ARHGAP25: variants seen among roughly 807,000 people sequenced by gnomAD.
ARHGAP25 encodes the protein Rho GTPase activating protein 25, also known as rho GTPase-activating protein 25.
ARHGAP25 carries 34 observed loss-of-function variants against 71.0 expected under a neutral mutation model. The ratio of observed to expected loss-of-function variants is 0.48; its 90% CI spans 0.36 to 0.64. The LOEUF (loss-of-function observed/expected upper bound fraction) is 0.64. Ranked by LOEUF, ARHGAP25 falls within the 30% of genes least tolerant of loss-of-function variation. The probability of loss-of-function intolerance (pLI) is 0.00; values close to 1 mark genes in which losing one functional copy is unlikely to be tolerated. For synonymous variants in ARHGAP25, 282 were observed against 296.5 expected (o/e 0.95, Z 0.50); for missense variants, 706 against 805.1 (o/e 0.88, Z 1.49).
chr2:68,750,107 A>G (rs956246354), intron 1 of ARHGAP25, among the ~76,000 whole-genome samples: 3 of 152,060 alleles, frequency 2.0e-5, no homozygotes, highest in African/African-American at 7.2e-5. Context: ...CCTGGGCTCA[A>G]ACAATCCTCC....
At chr2:68,787,248 G>A (rs916560403) in intron 3 of ARHGAP25, among the ~76,000 whole-genome samples, 1 of 152,198 alleles carries the variant, frequency 6.6e-6, no homozygotes, top group African/African-American at 2.4e-5. Context: ...AGTGAAAATG[G>A]TAAAGAAAGT....
intron 4 of ARHGAP25, among the ~76,000 whole-genome samples, chr2:68,800,575 C>T (rs575797216): frequency 6.6e-6 from 1 of 152,174 alleles, no homozygotes; most frequent in African/African-American, 2.4e-5. Context: ...CATGGTCTGG[C>T]ATTAGAGGAA....
intron 2 of ARHGAP25, among the ~76,000 whole-genome samples, chr2:68,780,605 C>G (rs1158513232): frequency 2.6e-5 from 4 of 151,802 alleles, no homozygotes; most frequent in Admixed American, 2.6e-4. Flanking sequence ...TCCCCTTCCC[C>G]CTTCTCCCCT....
intron 4 of ARHGAP25, among the ~76,000 whole-genome samples, chr2:68,806,763 A>G (rs1481115213): frequency 6.6e-6 from 1 of 152,206 alleles, no homozygotes; most frequent in Admixed American, 6.5e-5. Context: ...GGAGGATGCC[A>G]TACTGTGTTA....
chr2:68,799,031 A>G (rs1679772402), intron 4 of ARHGAP25, among the ~76,000 whole-genome samples: 1 of 152,192 alleles, frequency 6.6e-6, no homozygotes, highest in African/African-American at 2.4e-5. Flanking sequence ...AAAGCAGGAG[A>G]CCAGATATGA....
chr2:68,818,113 T>G (rs1681363952), intron 8 of ARHGAP25, 119 bp downstream of exon 8: 2 of 1,357,226 alleles, frequency 1.5e-6, no homozygotes, highest in Admixed American at 3.6e-5. Flanking sequence ...ATCAATCTCA[T>G]CTGAATCATG....
intron 8 of ARHGAP25, among the ~76,000 whole-genome samples, chr2:68,818,843 T>A (rs1681423035): frequency 6.6e-6 from 1 of 152,266 alleles, no homozygotes; most frequent in South Asian, 2.1e-4. Context: ...TCTGCTGTTT[T>A]ATTGCCTACT....
intron 3 of ARHGAP25, among the ~76,000 whole-genome samples, chr2:68,784,301 C>G (rs1283953165): frequency 6.6e-6 from 1 of 152,142 alleles, no homozygotes; most frequent in South Asian, 2.1e-4. Context: ...TTCCACCCAA[C>G]CCTAAAGTGA....
chr2:68,761,020 A>C (rs1676779477), intron 1 of ARHGAP25, among the ~76,000 whole-genome samples: 1 of 152,050 alleles, frequency 6.6e-6, no homozygotes, highest in South Asian at 2.1e-4. Flanking sequence ...AGATGAATGG[A>C]ATAGAATAGA....
intron 5 of ARHGAP25, among the ~76,000 whole-genome samples, chr2:68,808,428 A>G (rs1337738911): frequency 6.6e-6 from 1 of 151,924 alleles, no homozygotes; most frequent in Non-Finnish European, 1.5e-5. Flanking sequence ...CTAATCACCA[A>G]CGCCGCCCAT....
intron 1 of ARHGAP25, among the ~76,000 whole-genome samples, chr2:68,774,221 A>G (rs1677673367): frequency 6.6e-6 from 1 of 152,138 alleles, no homozygotes. Context: ...CAAGGGCATC[A>G]TTGAACTGGC....
intron 4 of ARHGAP25, among the ~76,000 whole-genome samples, chr2:68,794,181 G>A (rs1161671579): frequency 6.6e-6 from 1 of 151,982 alleles, no homozygotes; most frequent in Non-Finnish European, 1.5e-5. Flanking sequence ...GAGTCTTTAG[G>A]TTTTTCTAGA....
intron 5 of ARHGAP25, among the ~76,000 whole-genome samples, chr2:68,809,438 A>G (rs1680617565): frequency 6.6e-6 from 1 of 152,224 alleles, no homozygotes; most frequent in South Asian, 2.1e-4. Flanking sequence ...GAAAGTGACC[A>G]GTGTTAGATG....
At chr2:68,818,317 T>G (rs1407548220) in intron 8 of ARHGAP25, among the ~76,000 whole-genome samples, 1 of 152,156 alleles carries the variant, frequency 6.6e-6, no homozygotes, top group Non-Finnish European at 1.5e-5. Flanking sequence ...TTCATTTTAT[T>G]TTATTTTATT....
intron 1 of ARHGAP25, among the ~76,000 whole-genome samples, chr2:68,755,634 A>G (rs1225593343): frequency 4.7e-5 from 4 of 84,266 alleles, no homozygotes; most frequent in Non-Finnish European, 1.0e-4. Context: ...ATTAAAAGGA[A>G]CAGAAATTTT....
chr2:68,757,280 A>G (rs1676542821), intron 1 of ARHGAP25, among the ~76,000 whole-genome samples: 1 of 152,168 alleles, frequency 6.6e-6, no homozygotes, highest in Non-Finnish European at 1.5e-5. Flanking sequence ...AAACTTCCCA[A>G]ATTTGATGAA....
chr2:68,806,760 G>T (rs1179313534), intron 4 of ARHGAP25, among the ~76,000 whole-genome samples: 1 of 152,186 alleles, frequency 6.6e-6, no homozygotes, highest in Non-Finnish European at 1.5e-5. Context: ...AAGGGAGGAT[G>T]CCATACTGTG....
At chr2:68,780,113 T>G (rs977789298) in intron 2 of ARHGAP25, among the ~76,000 whole-genome samples, 3 of 152,242 alleles carry the variant, frequency 2.0e-5, no homozygotes, top group East Asian at 1.9e-4. Context: ...TCTTCCTTTC[T>G]CCAATGGGGA....
rs573541610 is a variant in ARHGAP25, at chr2:68,813,087, C to G, written c.675-200C>G. ...TAGTTGGGTGGAAGAGACAGAGGAA[C>G]ATTTATTCAAGAATGTTGTTCCAGA... is the stretch of plus-strand genomic sequence containing the variant. On this transcript the variant is annotated intron_variant, in intron 5 of 10. Coordinates refer to ENST00000409202, the MANE Select transcript of ARHGAP25 (RefSeq NM_001007231.3). 3.3e-5 allele frequency among the ~76,000 whole-genome samples: 5 copies of G among 152,270 alleles called. No individual in the cohort carries two copies. The East Asian group carries it at 9.6e-4, about 29-fold the overall frequency.
Sources: gnomAD v4.1 joint callset for allele counts (sites outside exome capture counted in the v4.1 genomes callset) on GRCh38, gnomAD v4.1.1 for gene constraint, MANE v1.5 for transcripts, NCBI Gene and HGNC (gene_info 2026-07-23, HGNC 2026-07-21) for gene names.